Variants in LINGO1 observed in about 807,000 individuals in gnomAD.
LINGO1 encodes the protein leucine-rich repeat and immunoglobulin-like domain-containing nogo receptor-interacting protein 1.
Under a neutral mutation model 37.3 loss-of-function variants are expected in LINGO1, and 11 were observed. The observed-to-expected ratio is 0.29, with a 90% CI of 0.19 to 0.49. LINGO1 has a LOEUF of 0.49. Ranked by LOEUF, LINGO1 falls within the 20% of genes least tolerant of loss-of-function variation. LINGO1 has a pLI of 0.99. For synonymous variants in LINGO1, 387 were observed against 403.0 expected (o/e 0.96, Z 0.48); for missense variants, 585 against 878.2 (o/e 0.67, Z 4.22).
intron 1 of LINGO1, among the ~76,000 whole-genome samples, chr15:77,740,789 A>G (rs1484467985): frequency 6.6e-6 from 1 of 152,152 alleles, no homozygotes; most frequent in African/African-American, 2.4e-5. Flanking sequence ...GTGGGCACCT[A>G]AAGACCGAGG....
intron 2 of LINGO1, among the ~76,000 whole-genome samples, chr15:77,705,155 A>AC (rs969229157): frequency 7.1e-6 from 1 of 141,378 alleles, no homozygotes; most frequent in Non-Finnish European, 1.6e-5. Context: ...GCCTGAAGAT[A>AC]CCCCCCTCCC....
chr15:77,760,916 C>CTTTTTTTTTTTTTT (rs34524098), intron 1 of LINGO1, among the ~76,000 whole-genome samples: 1 of 96,400 alleles, frequency 1.0e-5, no homozygotes, highest in African/African-American at 4.9e-5. Context: ...TAATAAGTAT[C>CTTTTTTTTTTTTTT]TTTTTTTTTT....
At chr15:77,641,976 C>A (rs1354766464) in intron 3 of LINGO1, 1 of 456,696 alleles carries the variant, frequency 2.2e-6, no homozygotes, top group Admixed American at 2.3e-5. Context: ...CCTGCCCTCT[C>A]TGAGCCGCTT....
intron 3 of LINGO1, among the ~76,000 whole-genome samples, chr15:77,666,178 TG>T (rs1200025889): frequency 6.6e-6 from 1 of 152,256 alleles, no homozygotes; most frequent in Non-Finnish European, 1.5e-5. Context: ...CGCCAAGTCC[TG>T]TCTATGAGCT....
At chr15:77,787,488 C>T (rs114850964), upstream of LINGO1, among the ~76,000 whole-genome samples, 1,531 of 151,726 alleles carry the variant, frequency 0.01, 22 homozygotes, top group African/African-American at 0.036. Context: ...AGGGTGTGGG[C>T]CAGAAGGACA....
Position 77,615,908 on chromosome 15 carries a change from CG to C in LINGO1, c.7-9del. The stretch of plus-strand genomic sequence containing the variant: ...CAGCATCCTCTTGCTCACCTGCAGC[CG>C]GGAGCAAGCACAGGACAGAGGTGGC... On this transcript the variant is annotated splice_polypyrimidine_tract_variant and intron_variant, in intron 1 of 1. Transcript: ENST00000355300. The C allele has an allele frequency of 6.8e-7, 1 of 1,459,918 alleles. No individual in the cohort carries two copies. The highest frequency in any genetic ancestry group is 9.0e-7 in the Non-Finnish European group (1 of 1,111,656). 90.4% of individuals were successfully genotyped at this position (1,459,918 alleles called of 1,614,324 possible). A position where few individuals can be genotyped will look rare whatever the true frequency, so the allele number is the denominator to read the frequency against.
intron 1 of LINGO1, among the ~76,000 whole-genome samples, chr15:77,691,429 T>C (rs2075600697): frequency 6.6e-6 from 1 of 152,096 alleles, no homozygotes; most frequent in Non-Finnish European, 1.5e-5. Context: ...TGTTTTCCCA[T>C]CATGTTCATC....
At chr15:77,798,351 C>A (rs1395070128) in intron 1 of LINGO1, among the ~76,000 whole-genome samples, 1 of 152,200 alleles carries the variant, frequency 6.6e-6, no homozygotes, top group Non-Finnish European at 1.5e-5. Flanking sequence ...TGGAAGGCCT[C>A]CAGACCACCT....
intron 1 of LINGO1, among the ~76,000 whole-genome samples, chr15:77,783,894 G>A (rs746135791): frequency 8.5e-5 from 13 of 152,200 alleles, no homozygotes; most frequent in Non-Finnish European, 1.9e-4. Flanking sequence ...GCCTTTCTCC[G>A]TTTGCACCTC....
intron 2 of LINGO1, among the ~76,000 whole-genome samples, chr15:77,728,823 C>T (rs980197839): frequency 6.6e-6 from 1 of 152,238 alleles, no homozygotes; most frequent in Non-Finnish European, 1.5e-5. Context: ...TCTGTAGAAA[C>T]AGCTCATGGA....
chr15:77,642,187 A>G (rs1010292219), intron 3 of LINGO1, among the ~76,000 whole-genome samples: 1 of 152,106 alleles, frequency 6.6e-6, no homozygotes, highest in African/African-American at 2.4e-5. Flanking sequence ...CTGGCTGTTT[A>G]CGCTCCATTA....
intron 1 of LINGO1, among the ~76,000 whole-genome samples, chr15:77,770,518 T>C (rs965894363): frequency 2.3e-5 from 3 of 130,692 alleles, no homozygotes; most frequent in Non-Finnish European, 3.1e-5. Context: ...ACCCAGGAGG[T>C]GGAGGTTGCA....
intron 1 of LINGO1, among the ~76,000 whole-genome samples, chr15:77,814,341 C>G (rs569907187): frequency 1.0e-3 from 152 of 152,296 alleles, no homozygotes; most frequent in Admixed American, 2.2e-3. Context: ...CCTCAGTTTT[C>G]TCATCTGTGA....
At chr15:77,637,428 G>A (rs2074417192), upstream of LINGO1, among the ~76,000 whole-genome samples, 1 of 152,156 alleles carries the variant, frequency 6.6e-6, no homozygotes, top group African/African-American at 2.4e-5. This position sits in a 1 kb window ranked among gnomAD's most constrained non-coding sequence, Gnocchi z 4.6. Context: ...TCAGGTCCCT[G>A]TGTGTCCCCC....
chr15:77,728,903 T>G (rs1477900177), intron 2 of LINGO1, among the ~76,000 whole-genome samples: 1 of 152,258 alleles, frequency 6.6e-6, no homozygotes, highest in African/African-American at 2.4e-5. Flanking sequence ...TAGCGGGCAC[T>G]GAGGAAACAG....
chr15:77,741,937 G>C (rs1389617963), intron 1 of LINGO1, among the ~76,000 whole-genome samples: 1 of 152,226 alleles, frequency 6.6e-6, no homozygotes, highest in Non-Finnish European at 1.5e-5. Context: ...GGTTCAGATG[G>C]AGAGAAAGAG....
At position 77,646,952 on chromosome 15, in the gene LINGO1, C is replaced by T. The variant is rs544935949; in HGVS notation, c.-13+30137G>A. On this transcript the variant is annotated intron_variant, in intron 3 of 3. Coordinates refer to the LINGO1 transcript ENST00000559893. The stretch of plus-strand genomic sequence containing the variant: ...ATGAGGAAGGTTCTGTGAGTATCCC[C>T]ACTTTACAGGGGAGGGAACGGGCAT... 2.2e-4 allele frequency among the ~76,000 whole-genome samples: 34 copies of T among 152,298 alleles called. No homozygotes were observed. In the South Asian group the frequency reaches 6.8e-3, roughly 31 times the overall value.
upstream of LINGO1, among the ~76,000 whole-genome samples, chr15:77,789,239 T>C (rs913627576): frequency 2.6e-5 from 4 of 152,262 alleles, no homozygotes; most frequent in Non-Finnish European, 4.4e-5. Context: ...ATTTGAGATA[T>C]AATTAGCTAA....
intron 1 of LINGO1, among the ~76,000 whole-genome samples, chr15:77,768,832 C>A (rs922291796): frequency 6.6e-6 from 1 of 152,202 alleles, no homozygotes; most frequent in Non-Finnish European, 1.5e-5. Context: ...GTAATCTACA[C>A]CCTGGATTCA....
Sources: allele counts gnomAD v4.1 joint callset (sites outside exome capture counted in the v4.1 genomes callset), GRCh38; gene constraint gnomAD v4.1.1; non-coding constraint Gnocchi (gnomAD v3.1); transcripts MANE v1.5; gene names NCBI Gene and HGNC (gene_info 2026-07-23, HGNC 2026-07-21).